CDH13: variants seen among roughly 807,000 people sequenced by gnomAD.
CDH13 encodes cadherin-13.
A neutral mutation model predicts 63.8 loss-of-function variants in CDH13; 24 were observed. The observed-to-expected ratio is 0.38, with a 90% CI of 0.27 to 0.53. CDH13 has a LOEUF of 0.53. Ranked by LOEUF, CDH13 falls within the 20% of genes least tolerant of loss-of-function variation. The probability of loss-of-function intolerance (pLI) is 0.85; values close to 1 mark genes in which losing one functional copy is unlikely to be tolerated. For missense variants in CDH13, 1,049 were observed against 903.1 expected, an observed-to-expected ratio of 1.16 and a Z score of -2.07; for synonymous variants, 503 against 355.3, an observed-to-expected ratio of 1.42 and a Z score of -4.67.
intron 4 of CDH13, among the ~76,000 whole-genome samples, chr16:83,127,978 G>A (rs1218610528): frequency 1.3e-5 from 2 of 152,166 alleles, no homozygotes; most frequent in Non-Finnish European, 2.9e-5. Flanking sequence ...TTTCCTGGGA[G>A]CCCAAGATGC....
chr16:82,712,112 C>A (rs1284547181), intron 1 of CDH13, among the ~76,000 whole-genome samples: 1 of 152,112 alleles, frequency 6.6e-6, no homozygotes, highest in Non-Finnish European at 1.5e-5. Context: ...TTAAAAAAAA[C>A]TTACCAGCAA....
intron 2 of CDH13, among the ~76,000 whole-genome samples, chr16:82,898,374 AG>A (rs2041340285): frequency 6.6e-6 from 1 of 152,178 alleles, no homozygotes; most frequent in South Asian, 2.1e-4. Flanking sequence ...AAAATACAAA[AG>A]TTAGCCGGGC....
intron 6 of CDH13, among the ~76,000 whole-genome samples, chr16:83,471,013 C>G (rs1267328838): frequency 6.6e-6 from 1 of 152,100 alleles, no homozygotes; most frequent in Non-Finnish European, 1.5e-5. Context: ...CCTTGGTCTT[C>G]AAAGCCAGCA....
Position 83,425,067 on chromosome 16 carries a change from G to A in CDH13, c.782-61410G>A, listed in dbSNP as rs146525938. On this transcript the variant is annotated intron_variant, in intron 6 of 13. Transcript: ENST00000567109. ...GGTTCTGGCATGCTATCACACCATAGCATGCTTACAACCTCGGTCAAGAAA... is the reference window on the plus strand; with the variant it reads ...GGTTCTGGCATGCTATCACACCATAACATGCTTACAACCTCGGTCAAGAAA... Among the ~76,000 whole-genome samples, 174 of 152,310 alleles carry A rather than the reference G, an allele frequency of 1.1e-3. 1 individual carries two copies. Among genetic ancestry groups the A allele is most frequent in the African/African-American group, 3.9e-3 (162 of 41,574 alleles).
intron 3 of CDH13, among the ~76,000 whole-genome samples, chr16:83,053,903 T>G (rs921569208): frequency 3.9e-5 from 6 of 152,218 alleles, no homozygotes; most frequent in Non-Finnish European, 5.9e-5. Flanking sequence ...ATGTATATAG[T>G]CACGTGTGAC....
At chr16:83,043,912 T>A (rs1917553260) in intron 3 of CDH13, among the ~76,000 whole-genome samples, 1 of 152,136 alleles carries the variant, frequency 6.6e-6, no homozygotes, top group Admixed American at 6.5e-5. Context: ...CATTGAAATG[T>A]AGTATATATT....
chr16:82,683,428 C>T (rs1215027979), intron 1 of CDH13, among the ~76,000 whole-genome samples: 2 of 152,186 alleles, frequency 1.3e-5, no homozygotes, highest in East Asian at 3.9e-4. Flanking sequence ...TCTTCCATAG[C>T]CCGATGCAAT....
chr16:83,060,969 G>A (rs1044796590), intron 3 of CDH13, among the ~76,000 whole-genome samples: 1 of 152,146 alleles, frequency 6.6e-6, no homozygotes, highest in African/African-American at 2.4e-5. Flanking sequence ...AATGGCTAAT[G>A]ACTCTCACTC....
chr16:83,759,322 C>T (rs748369438), intron 11 of CDH13, among the ~76,000 whole-genome samples: 5 of 152,060 alleles, frequency 3.3e-5, no homozygotes, highest in African/African-American at 1.2e-4. Context: ...ATAAATAAGG[C>T]CAAGTTGATT....
intron 6 of CDH13, among the ~76,000 whole-genome samples, chr16:83,369,404 A>G (rs926668041): frequency 1.3e-5 from 2 of 151,978 alleles, no homozygotes; most frequent in African/African-American, 4.8e-5. Flanking sequence ...CAGAGTGACC[A>G]GAGAGACCCT....
At chr16:82,996,517 CTT>C (rs1912221571) in intron 2 of CDH13, among the ~76,000 whole-genome samples, 1 of 152,052 alleles carries the variant, frequency 6.6e-6, no homozygotes, top group Middle Eastern at 3.2e-3. Context: ...GACAAGCACT[CTT>C]TGGATTTGCT....
intron 5 of CDH13, among the ~76,000 whole-genome samples, chr16:83,294,237 T>G (rs1331136441): frequency 6.6e-6 from 1 of 152,226 alleles, no homozygotes; most frequent in African/African-American, 2.4e-5. Flanking sequence ...ATTTTTGTGT[T>G]AAGAATATTT....
intron 5 of CDH13, among the ~76,000 whole-genome samples, chr16:83,304,458 A>T (rs1021676185): frequency 6.6e-6 from 1 of 152,100 alleles, no homozygotes; most frequent in African/African-American, 2.4e-5. Context: ...TGGGATTTTC[A>T]AGCTTCCCTA....
rs148718970 is a variant in CDH13, at chr16:83,536,930, C to T, written c.960+50275C>T. On this transcript the variant is annotated intron_variant, in intron 7 of 13. Coordinates refer to ENST00000567109, the MANE Select transcript of CDH13 (RefSeq NM_001257.5). ...AATCGAAATTGAAATGGGGATGTTG[C>T]GGATGGAGGTAACTCATGCCACAGG... Among the ~76,000 whole-genome samples, 364 of 152,238 alleles carry T rather than the reference C, an allele frequency of 2.4e-3. 3 individuals carry two copies. Among genetic ancestry groups the T allele is most frequent in the African/African-American group, 8.2e-3 (339 of 41,546 alleles).
chr16:83,675,953 A>G (rs1914918097), intron 9 of CDH13, among the ~76,000 whole-genome samples: 1 of 152,150 alleles, frequency 6.6e-6, no homozygotes, highest in African/African-American at 2.4e-5. Context: ...TATGGTCCTG[A>G]CACTGTGCTA....
intron 4 of CDH13, among the ~76,000 whole-genome samples, chr16:83,169,959 T>C (rs1223396863): frequency 6.6e-6 from 1 of 152,166 alleles, no homozygotes; most frequent in Non-Finnish European, 1.5e-5. Flanking sequence ...CGATGTATGG[T>C]TTAATGTGAA....
chr16:83,776,286 C>G (rs1915109319), intron 11 of CDH13, among the ~76,000 whole-genome samples: 1 of 152,152 alleles, frequency 6.6e-6, no homozygotes. Context: ...AGTGAAAAAA[C>G]ATAATGGATT....
At chr16:83,649,451 GC>G (rs1269577948) in intron 8 of CDH13, among the ~76,000 whole-genome samples, 1 of 152,150 alleles carries the variant, frequency 6.6e-6, no homozygotes, top group African/African-American at 2.4e-5. Context: ...GGGTGGTTGG[GC>G]TCAGAGCTGC....
At chr16:83,106,943 CAT>C (rs2151613435) in intron 3 of CDH13, among the ~76,000 whole-genome samples, 2 of 152,036 alleles carry the variant, frequency 1.3e-5, no homozygotes, top group East Asian at 3.9e-4. Context: ...ATGAGCCCAA[CAT>C]ATAGTGCATC....
Sources: gnomAD v4.1 joint callset for allele counts (sites outside exome capture counted in the v4.1 genomes callset) on GRCh38, gnomAD v4.1.1 for gene constraint, MANE v1.5 for transcripts, NCBI Gene and HGNC (gene_info 2026-07-23, HGNC 2026-07-21) for gene names.